The following BPTF variants were observed in gnomAD, a reference collection of about 807,000 sequenced individuals.
BPTF encodes nucleosome-remodeling factor subunit BPTF.
BPTF carries 18 observed loss-of-function variants against 292.5 expected under a neutral mutation model. The observed-to-expected ratio is 0.06, with a 90% CI of 0.04 to 0.09. BPTF has a LOEUF of 0.09. Ranked by LOEUF, BPTF falls within the 10% of genes least tolerant of loss-of-function variation. The pLI is 1.00. For synonymous variants in BPTF, 1,225 were observed against 1,251.9 expected (o/e 0.98, Z 0.45); for missense variants, 2,726 against 3,498.7 (o/e 0.78, Z 5.57).
chr17:67,882,906 G>T (rs1404811822), intron 4 of BPTF, among the ~76,000 whole-genome samples: 1 of 151,698 alleles, frequency 6.6e-6, no homozygotes, highest in Non-Finnish European at 1.5e-5. Flanking sequence ...GCTGAGGTGG[G>T]AAGATGGCTT....
intron 4 of BPTF, chr17:67,875,778 G>C: frequency 1.4e-6 from 2 of 1,439,270 alleles, no homozygotes; most frequent in Non-Finnish European, 1.8e-6. Flanking sequence ...CCTCTGTAAT[G>C]GGGGGAATCC....
intron 4 of BPTF, among the ~76,000 whole-genome samples, chr17:67,890,383 C>A (rs560495082): frequency 6.6e-6 from 1 of 152,144 alleles, no homozygotes; most frequent in African/African-American, 2.4e-5. Context: ...CTGTTATCAA[C>A]GGTTTTCTCC....
At chr17:67,959,397 C>T (rs914729522) in intron 23 of BPTF, 144 bp from the exon 24 acceptor site, 1 of 566,418 alleles carries the variant, frequency 1.8e-6, no homozygotes, top group South Asian at 5.7e-5. Flanking sequence ...TAAGAAAACT[C>T]TTGTTTGCAA....
intron 3 of BPTF, among the ~76,000 whole-genome samples, chr17:67,871,000 T>A (rs888902538): frequency 7.9e-5 from 12 of 151,778 alleles, no homozygotes; most frequent in Admixed American, 7.2e-4. Flanking sequence ...CTCGATCTCC[T>A]GACCTCGTGA....
rs1363031712 is a variant in BPTF at position 67,983,672 on chromosome 17, A to G, written c.*1384A>G. The G allele has an allele frequency of 1.3e-5, 2 of 152,788 alleles. No homozygotes were observed. Among genetic ancestry groups the G allele is most frequent in the Non-Finnish European group, 2.9e-5 (2 of 68,036 alleles). The allele number at this position is 152,788 out of a possible 1,614,324, so 9.5% of individuals were successfully genotyped here. On this transcript the variant is annotated 3_prime_UTR_variant, in exon 28 of 28. Coordinates refer to ENST00000306378, the MANE Select transcript of BPTF (RefSeq NM_182641.4). Reference sequence around the variant, plus strand: ...TCACTGCATTGTGGTAATAGCTTCTATAAAATCTGCCATAGTTGGATTATG... The same window carrying G: ...TCACTGCATTGTGGTAATAGCTTCTGTAAAATCTGCCATAGTTGGATTATG...
chr17:67,882,042 C>A (rs529301345), intron 4 of BPTF, among the ~76,000 whole-genome samples: 1 of 151,802 alleles, frequency 6.6e-6, no homozygotes, highest in Non-Finnish European at 1.5e-5. Context: ...GCCATGTTGG[C>A]CAGGCTGGTC....
chr17:67,952,640 A>G (rs534437250), intron 23 of BPTF, among the ~76,000 whole-genome samples: 3 of 152,028 alleles, frequency 2.0e-5, no homozygotes, highest in Non-Finnish European at 2.9e-5. Flanking sequence ...CCCACACACA[A>G]TTTCCCCTAT....
rs1041054684 is a variant in BPTF at position 67,976,088 on chromosome 17, A to T, written c.8726+130A>T. 1.5e-5 allele frequency: 10 copies of T among 678,334 alleles called. No individual in the cohort carries two copies. In the African/African-American group the frequency reaches 1.9e-4, roughly 13 times the overall value. 42.0% of individuals were successfully genotyped at this position (678,334 alleles called of 1,614,324 possible). A position where few individuals can be genotyped will look rare whatever the true frequency, so the allele number is the denominator to read the frequency against. ...AAATATCTTTAAAAAAAAAATAAAT[A>T]AATCAAGACTCCAGGGTTATGATCT... On this transcript the variant is annotated intron_variant, in intron 27 of 27. Coordinates refer to ENST00000306378, the MANE Select transcript of BPTF (RefSeq NM_182641.4).
chr17:67,938,487 A>C (rs1357455227), intron 18 of BPTF, among the ~76,000 whole-genome samples: 1 of 152,248 alleles, frequency 6.6e-6, no homozygotes, highest in Non-Finnish European at 1.5e-5. Flanking sequence ...AAGCTATTAT[A>C]AAGCCACCAA....
At chr17:67,846,558 T>G (rs1178559951) in intron 1 of BPTF, among the ~76,000 whole-genome samples, 1 of 152,236 alleles carries the variant, frequency 6.6e-6, no homozygotes, top group Non-Finnish European at 1.5e-5. Flanking sequence ...CTGATTTGTC[T>G]CCTTTATCTG....
intron 11 of BPTF, among the ~76,000 whole-genome samples, chr17:67,916,561 G>C (rs1416912741): frequency 6.6e-6 from 1 of 151,946 alleles, no homozygotes; most frequent in Non-Finnish European, 1.5e-5. Flanking sequence ...TTGCACTCCA[G>C]CCTGAGCGAC....
rs181854881 is a variant in BPTF, at chr17:67,912,461, A to G, written c.4577A>G (p.Asn1526Ser). The G allele has an allele frequency of 8.7e-6, 14 of 1,613,926 alleles. No homozygotes were observed. The Admixed American group carries it at 2.0e-4, about 23-fold the overall frequency. Residue 1526 changes from asparagine to serine, a missense_variant, in exon 11 of 28, where the codon AAT (asparagine) becomes AGT (serine). By Grantham distance (46) the Asn-to-Ser change is conservative. Transcript: ENST00000306378. ...TTPSASCPES[N>S]SVNQVEDMEI... The stretch of plus-strand genomic sequence containing the variant: ...CCCTCAGCATCTTGTCCAGAAAGCA[A>G]TTCAGTTAATCAGGTAGAAGATATG...
At chr17:67,898,277 C>A (rs1404539066) in intron 7 of BPTF, among the ~76,000 whole-genome samples, 3 of 152,146 alleles carry the variant, frequency 2.0e-5, no homozygotes, top group Non-Finnish European at 4.4e-5. Flanking sequence ...AGGAGAACCA[C>A]TTGAACCTGG....
intron 18 of BPTF, among the ~76,000 whole-genome samples, chr17:67,935,350 C>T (rs768100329): frequency 4.0e-5 from 6 of 151,892 alleles, no homozygotes; most frequent in Non-Finnish European, 7.4e-5. Flanking sequence ...TCACATGGGC[C>T]CAAGAGGTCA....
chr17:67,926,276 T>G (rs867159864), intron 15 of BPTF, among the ~76,000 whole-genome samples: 1 of 150,506 alleles, frequency 6.6e-6, no homozygotes, highest in South Asian at 2.1e-4. Flanking sequence ...CCCAAAGTGC[T>G]GAGATAGCGA....
At position 67,911,429 on chromosome 17, in the gene BPTF, A is replaced by G; in HGVS notation, c.3545A>G (p.Gln1182Arg). 6.2e-7 allele frequency: 1 copy of G among 1,614,162 alleles called. No individual in the cohort carries two copies. The highest frequency in any genetic ancestry group is 8.5e-7 in the Non-Finnish European group (1 of 1,180,016). ...IRSPETKCPK[Q>R]NSIENDIEEK... ...AGCCCAGAAACAAAATGTCCGAAACAAAATTCCATTGAAAATGACATAGAA... is the reference window on the plus strand; with the variant it reads ...AGCCCAGAAACAAAATGTCCGAAACGAAATTCCATTGAAAATGACATAGAA... Residue 1182 changes from glutamine (Q) to arginine (R), a missense_variant, in exon 11 of 28, where the codon CAA becomes CGA. Coordinates refer to ENST00000306378, the MANE Select transcript of BPTF (RefSeq NM_182641.4).
intron 4 of BPTF, among the ~76,000 whole-genome samples, chr17:67,884,381 G>A (rs1450890631): frequency 6.7e-6 from 1 of 150,060 alleles, no homozygotes; most frequent in African/African-American, 2.5e-5. Context: ...CTTCCAAAGT[G>A]TTGGGATTAC....
chr17:67,850,517 T>C (rs2058328383), intron 1 of BPTF, among the ~76,000 whole-genome samples: 1 of 152,096 alleles, frequency 6.6e-6, no homozygotes, highest in African/African-American at 2.4e-5. Flanking sequence ...TACAGGTGTG[T>C]GCCACCATGC....
At chr17:67,864,943 G>T (rs8077872) in intron 2 of BPTF, among the ~76,000 whole-genome samples, 51,831 of 151,860 alleles carry the variant, frequency 0.34, 11,178 homozygotes, top group East Asian at 0.67. Context: ...TAGCTGAGAC[G>T]ACAGGCGCCT....
Sources: allele counts gnomAD v4.1 joint callset (sites outside exome capture counted in the v4.1 genomes callset), GRCh38; gene constraint gnomAD v4.1.1; transcripts MANE v1.5; gene names NCBI Gene and HGNC (gene_info 2026-07-23, HGNC 2026-07-21).